The following ANO7 variants were observed in gnomAD, a reference collection of about 807,000 sequenced individuals.
The protein encoded by ANO7 is anoctamin-7.
A neutral mutation model predicts 115.8 loss-of-function variants in ANO7; 114 were observed. The ratio of observed to expected loss-of-function variants is 0.98; its 90% CI spans 0.85 to 1.15. ANO7 has a LOEUF of 1.15. ANO7 is among the 50% of genes most tolerant of loss of function. ANO7 has a pLI of 0.00. For missense variants in ANO7, 1,302 were observed against 1,201.2 expected (o/e 1.08, Z -1.24); for synonymous variants, 550 against 498.2 (o/e 1.10, Z -1.38).
chr2:241,216,172 G>A lies in ANO7; in HGVS notation c.1906G>A (p.Gly636Arg). ...GGGAGCTTCTGCAGGGGCTAGCCAG[G>A]GGCCCTGGGAGGACGACTATGAGCT... Reference protein sequence around the residue: ...KAGASAGASQGPWEDDYELVP... With the variant: ...KAGASAGASQRPWEDDYELVP... The change falls in exon 19 of 25, where the codon GGG (glycine) becomes AGG (arginine). Residue 636 changes from glycine to arginine, a missense_variant. By Grantham distance (125) the Gly-to-Arg change is moderately radical (BLOSUM62 -2). Transcript: ENST00000674324. 1 of 1,613,272 alleles carries A rather than the reference G, an allele frequency of 6.2e-7. No individual in the cohort carries two copies. The highest frequency in any genetic ancestry group is 8.5e-7 in the Non-Finnish European group (1 of 1,179,890).
chr2:241,217,760 TG>T lies in ANO7; in HGVS notation c.2050del (p.Val684TrpfsTer146), dbSNP rs1559455366. The T allele has an allele frequency of 2.5e-6, 4 of 1,608,554 alleles. No homozygotes were observed. The highest frequency in any genetic ancestry group is 2.5e-6 in the Non-Finnish European group (3 of 1,178,174). Reference sequence around the variant, plus strand: ...GCCGCTCTTCGCCCTGCTCAACAACTGGGTGGAGATCCGCTTGGACGCGCGC... The same window carrying T: ...GCCGCTCTTCGCCCTGCTCAACAACTGGTGGAGATCCGCTTGGACGCGCGC... Reference protein sequence around the residue: ...LAPLFALLNNWVEIRLDARKF... With the variant: ...LAPLFALLNNXVEIRLDARKF... On this transcript the variant is annotated frameshift_variant, in exon 20 of 25. Coordinates refer to ENST00000674324, the MANE Select transcript of ANO7 (RefSeq NM_001370694.2). LOFTEE classifies it high-confidence loss of function.
Position 241,224,103 on chromosome 2 carries a change from T to C in ANO7, c.2590T>C (p.Ser864Pro). ...DEQPEGSELS[S>P]HWTPFTVPKA... The stretch of plus-strand genomic sequence containing the variant: ...CCCCCAACCCTCTCCCCAGCTCAGC[T>C]CCCACTGGACACCCTTCACGGTTCC... The change falls in exon 25 of 25, where the codon TCC becomes CCC. Residue 864 changes from serine (S) to proline (P), a missense_variant. Coordinates refer to ENST00000674324, the MANE Select transcript of ANO7 (RefSeq NM_001370694.2). 6.2e-7 allele frequency: 1 copy of C among 1,613,886 alleles called. No individual in the cohort carries two copies. The highest frequency in any genetic ancestry group is 2.2e-5 in the East Asian group (1 of 44,848).
chr2:241,202,363 TG>T lies in ANO7; in HGVS notation c.723+60del, dbSNP rs1274884330. ...ATGGGAGATGAGTCCCCTTGGGTCC[TG>T]TTGGCCCCCAGGGAGGCGGGTGTGG... On this transcript the variant is annotated intron_variant, in intron 8 of 24. Transcript: ENST00000674324. 9 of 1,512,088 alleles carry T rather than the reference TG, an allele frequency of 6.0e-6. No homozygotes were observed. In the South Asian group the frequency reaches 9.0e-5, roughly 15 times the overall value. The allele number at this position is 1,512,088 out of a possible 1,614,324, so 93.7% of individuals were successfully genotyped here. A position where few individuals can be genotyped will look rare whatever the true frequency, so the allele number is the denominator to read the frequency against.
At chr2:241,221,675 T>A (rs1331910074) in intron 21 of ANO7, among the ~76,000 whole-genome samples, 2 of 151,456 alleles carry the variant, frequency 1.3e-5, no homozygotes, top group Non-Finnish European at 2.9e-5. Flanking sequence ...AGGGAAGGGA[T>A]TATTTCTTTT....
At position 241,212,912 on chromosome 2, in the gene ANO7, C is replaced by T. The variant is rs1469840315; in HGVS notation, c.1728+286C>T. 6.1e-5 allele frequency: 26 copies of T among 425,350 alleles called. 2 individuals carry two copies. The highest frequency in any genetic ancestry group is 7.0e-4 in the Middle Eastern group (1 of 1,436). 26.3% of individuals were successfully genotyped at this position (425,350 alleles called of 1,614,324 possible). On this transcript the variant is annotated intron_variant, in intron 17 of 24. Coordinates refer to ENST00000674324, the MANE Select transcript of ANO7 (RefSeq NM_001370694.2). ...CTTAGGGAGGCTGAGGGAGGAGGAT[C>T]GCTTAAGCCCAAGAGTACGAGACCA...
rs982549632 is a variant in ANO7, at chr2:241,188,889, C to A, written c.-8+123C>A. 3 of 1,305,356 alleles carry A rather than the reference C, an allele frequency of 2.3e-6. No individual in the cohort carries two copies. Among genetic ancestry groups the A allele is most frequent in the African/African-American group, 3.0e-5 (2 of 67,250 alleles). The allele number at this position is 1,305,356 out of a possible 1,614,324, so 80.9% of individuals were successfully genotyped here. A position where few individuals can be genotyped will look rare whatever the true frequency, so the allele number is the denominator to read the frequency against. ...CACCCTGGCCTGTGGGGAGGCAGTG[C>A]CAGGGCCCGCCCTGGTCCCCAAAGC... On this transcript the variant is annotated intron_variant, in intron 1 of 24. Coordinates refer to ENST00000674324, the MANE Select transcript of ANO7 (RefSeq NM_001370694.2). This position sits in a 1 kb window ranked among gnomAD's most constrained non-coding sequence, Gnocchi z 4.3.
At chr2:241,240,141 C>T in the ANO7 span, 1 of 1,611,748 alleles carries the variant, frequency 6.2e-7, no homozygotes, top group East Asian at 2.2e-5. The surrounding 1 kb of genome is among the most constrained non-coding windows in gnomAD (Gnocchi z 5.5). Flanking sequence ...ACCAATCCCA[C>T]TGTGTTAGCC....
chr2:241,218,415 C>G, intron 21 of ANO7, 34 bp downstream of exon 21: 4 of 1,277,662 alleles, frequency 3.1e-6, no homozygotes, highest in Non-Finnish European at 3.0e-6. Context: ...GGGCCGCGGG[C>G]GCACGAGGAC....
At chr2:241,205,382 G>C in intron 10 of ANO7, among the ~76,000 whole-genome samples, 1 of 151,550 alleles carries the variant, frequency 6.6e-6, no homozygotes, top group African/African-American at 2.4e-5. Context: ...GTGGACAGGA[G>C]TGCTCCCAGG....
Position 241,209,479 on chromosome 2 carries a change from A to G in ANO7, c.1222-19A>G, listed in dbSNP as rs1470850905. ...TCACACCCGGCGAGGGCCGCCACTGAGCACCGGCTCCCTTCCAGGAGAGGC... is the reference window on the plus strand; with the variant it reads ...TCACACCCGGCGAGGGCCGCCACTGGGCACCGGCTCCCTTCCAGGAGAGGC... On this transcript the variant is annotated intron_variant, in intron 12 of 24. Transcript: ENST00000674324. The G allele has an allele frequency of 6.3e-7, 1 of 1,599,694 alleles. No homozygotes were observed. Among genetic ancestry groups the G allele is most frequent in the Non-Finnish European group, 8.5e-7 (1 of 1,173,492 alleles).
chr2:241,210,405 C>T lies in ANO7; in HGVS notation c.1458+12C>T. ...TTCTCGCAGCCTGGGTGAGCCTCTG[C>T]TGCCTGCCTCGGGGGGCCCTGAGCG... On this transcript the variant is annotated intron_variant, in intron 14 of 24. Transcript: ENST00000674324. 1 of 1,613,944 alleles carries T rather than the reference C, an allele frequency of 6.2e-7. No individual in the cohort carries two copies. The highest frequency in any genetic ancestry group is 8.5e-7 in the Non-Finnish European group (1 of 1,179,962).
At position 241,223,717 on chromosome 2, in the gene ANO7, A is replaced by T. The variant is rs2069082684; in HGVS notation, c.2468A>T (p.Glu823Val). The change falls in exon 23 of 25, where the codon GAG becomes GTG. Residue 823 changes from glutamate (E) to valine (V), a missense_variant. Transcript: ENST00000674324. ...GACCTCCTGGTGCCTGACATCCCAGAGTCTGTGGAGATCAAAGTGAAGCGG... is the reference window on the plus strand; with the variant it reads ...GACCTCCTGGTGCCTGACATCCCAGTGTCTGTGGAGATCAAAGTGAAGCGG... ...LLDLLVPDIP[E>V]SVEIKVKREY... The T allele has an allele frequency of 6.2e-7, 1 of 1,614,102 alleles. No homozygotes were observed. Among genetic ancestry groups the T allele is most frequent in the South Asian group, 1.1e-5 (1 of 91,082 alleles).
chr2:241,191,343 G>A (rs113446123), intron 3 of ANO7, 92 bp downstream of exon 3: 8 of 1,516,988 alleles, frequency 5.3e-6, no homozygotes, highest in Middle Eastern at 1.8e-4. Flanking sequence ...GGCTGGGGTA[G>A]CCTCCTCAGT....
intron 19 of ANO7, 82 bp from the exon 20 acceptor site, chr2:241,217,604 G>T: frequency 6.8e-7 from 1 of 1,463,694 alleles, no homozygotes; most frequent in Non-Finnish European, 9.2e-7. Flanking sequence ...CACGTGGACT[G>T]GCCGGTCCTC....
rs180874103 is a variant in ANO7 at position 241,210,650 on chromosome 2, A to G, written c.1561+80A>G. On this transcript the variant is annotated intron_variant, in intron 15 of 24. Coordinates refer to ENST00000674324, the MANE Select transcript of ANO7 (RefSeq NM_001370694.2). Reference sequence around the variant, plus strand: ...CAGCCAGAACGTGACTTTCTCACTCACTGACACACATGGCCCTCATTTCTA... The same window carrying G: ...CAGCCAGAACGTGACTTTCTCACTCGCTGACACACATGGCCCTCATTTCTA... The G allele has an allele frequency of 5.7e-4, 633 of 1,113,764 alleles. 1 individual carries two copies. The African/African-American group carries it at 8.7e-3, about 15-fold the overall frequency. 69.0% of individuals were successfully genotyped at this position (1,113,764 alleles called of 1,614,324 possible). A position where few individuals can be genotyped will look rare whatever the true frequency, so the allele number is the denominator to read the frequency against.
chr2:241,191,239 AAGCCCCGGATCGGTG>A lies in ANO7; in HGVS notation c.161_166+9del, dbSNP rs2068195510. On this transcript the variant is annotated splice_donor_variant and splice_donor_region_variant and coding_sequence_variant and intron_variant, in exon 3 of 25. Transcript: ENST00000674324. LOFTEE classifies it high-confidence loss of function. ...CGCCTGCAGAGCTGGGAGTCCTGCC[AAGCCCCGGATCGGTG>A]AGCCCCTCCCAGCACCTGTACCACA... 1 of 1,613,698 alleles carries A rather than the reference AAGCCCCGGATCGGTG, an allele frequency of 6.2e-7. No individual in the cohort carries two copies. The highest frequency in any genetic ancestry group is 1.7e-5 in the Admixed American group (1 of 59,988).
At chr2:241,238,534 T>C in the ANO7 span, 35 of 838,956 alleles carry the variant, frequency 4.2e-5, no homozygotes, top group Middle Eastern at 7.4e-4. The surrounding 1 kb of genome is among the most constrained non-coding windows in gnomAD (Gnocchi z 4.9). Context: ...CCAGAATACA[T>C]AGATGGTTTT....
At chr2:241,223,632 G>A (rs2069080222) in intron 22 of ANO7, 30 bp from the exon 23 acceptor site, 5 of 1,606,500 alleles carry the variant, frequency 3.1e-6, no homozygotes, top group Non-Finnish European at 3.4e-6. Flanking sequence ...GGGCGTTTGG[G>A]TGGGCGTGAG....
the ANO7 span, chr2:241,236,391 G>C: frequency 1.8e-6 from 1 of 570,458 alleles, no homozygotes; most frequent in Non-Finnish European, 3.1e-6. Flanking sequence ...AGCTGTCCCA[G>C]AAAGGGGCTA....
Sources: allele counts gnomAD v4.1 joint callset (sites outside exome capture counted in the v4.1 genomes callset), GRCh38; gene constraint gnomAD v4.1.1; non-coding constraint Gnocchi (gnomAD v3.1); transcripts MANE v1.5; gene names NCBI Gene and HGNC (gene_info 2026-07-23, HGNC 2026-07-21).